PABPC4L: variants seen among roughly 807,000 people sequenced by gnomAD.
The protein encoded by PABPC4L is polyadenylate-binding protein 4-like.
For missense variants in PABPC4L, 452 were observed against 451.4 expected, an observed-to-expected ratio of 1.00 and a Z score of -0.01; for synonymous variants, 169 against 164.1, an observed-to-expected ratio of 1.03 and a Z score of -0.23.
At chr4:134,083,892 T>C in the PABPC4L span, among the ~76,000 whole-genome samples, 1 of 152,168 alleles carries the variant, frequency 6.6e-6, no homozygotes, top group Non-Finnish European at 1.5e-5. Flanking sequence ...TAAGATATTA[T>C]ATGTAATATT....
chr4:134,176,940 T>C, the PABPC4L span, among the ~76,000 whole-genome samples: 1 of 152,086 alleles, frequency 6.6e-6, no homozygotes, highest in Non-Finnish European at 1.5e-5. Flanking sequence ...TTTACAAGCC[T>C]TGAGCCCTGC....
the PABPC4L span, among the ~76,000 whole-genome samples, chr4:134,189,588 T>G: frequency 6.6e-6 from 1 of 152,014 alleles, no homozygotes; most frequent in South Asian, 2.1e-4. Flanking sequence ...TGTGTATTCT[T>G]TTTACACACA....
chr4:134,015,656 C>T, the PABPC4L span, among the ~76,000 whole-genome samples: 1 of 152,104 alleles, frequency 6.6e-6, no homozygotes, highest in African/African-American at 2.4e-5. Flanking sequence ...TGACTAATCT[C>T]CCAAACCTCA....
the PABPC4L span, among the ~76,000 whole-genome samples, chr4:134,128,806 G>C: frequency 6.6e-6 from 1 of 152,082 alleles, no homozygotes; most frequent in Non-Finnish European, 1.5e-5. Context: ...ATGAGGAATA[G>C]AATAGTATCT....
chr4:133,968,101 C>T, the PABPC4L span, among the ~76,000 whole-genome samples: 1 of 152,080 alleles, frequency 6.6e-6, no homozygotes, highest in Admixed American at 6.6e-5. Flanking sequence ...GCCATTTAGT[C>T]GCAGGAATAT....
chr4:134,153,258 A>G, the PABPC4L span, among the ~76,000 whole-genome samples: 2 of 151,444 alleles, frequency 1.3e-5, no homozygotes, highest in Non-Finnish European at 2.9e-5. Context: ...AAAATTCATC[A>G]CTCTTCTGTC....
chr4:133,979,473 T>C, the PABPC4L span, among the ~76,000 whole-genome samples: 2 of 152,142 alleles, frequency 1.3e-5, no homozygotes, highest in Admixed American at 1.3e-4. Context: ...AATGAAAACA[T>C]TCTAGTCCTG....
At chr4:134,054,628 A>T in the PABPC4L span, among the ~76,000 whole-genome samples, 3 of 151,994 alleles carry the variant, frequency 2.0e-5, no homozygotes, top group South Asian at 6.2e-4. Flanking sequence ...TGTAACTAAC[A>T]TGTCACATAA....
chr4:134,032,972 G>C, the PABPC4L span, among the ~76,000 whole-genome samples: 1 of 149,286 alleles, frequency 6.7e-6, no homozygotes, highest in Non-Finnish European at 1.5e-5. Context: ...TTGTATAGAA[G>C]TATACCTTGT....
the PABPC4L span, among the ~76,000 whole-genome samples, chr4:133,952,337 T>C: frequency 6.6e-6 from 1 of 152,116 alleles, no homozygotes; most frequent in Non-Finnish European, 1.5e-5. Flanking sequence ...AGAATGCATC[T>C]TTTGGATCCA....
the PABPC4L span, among the ~76,000 whole-genome samples, chr4:134,068,522 C>G: frequency 6.6e-6 from 1 of 152,008 alleles, no homozygotes; most frequent in African/African-American, 2.4e-5. Context: ...TGTTTACATT[C>G]AAGGTTAATA....
At chr4:134,189,835 C>A in the PABPC4L span, among the ~76,000 whole-genome samples, 16 of 151,992 alleles carry the variant, frequency 1.1e-4, no homozygotes, top group Non-Finnish European at 1.5e-5. Flanking sequence ...TATTTACTTT[C>A]CCCTGATTTG....
At chr4:134,127,005 C>T in the PABPC4L span, among the ~76,000 whole-genome samples, 64 of 152,042 alleles carry the variant, frequency 4.2e-4, no homozygotes, top group Non-Finnish European at 8.2e-4. Context: ...CTGTGGCTGC[C>T]GGCTTTCCCT....
the PABPC4L span, among the ~76,000 whole-genome samples, chr4:134,127,539 C>T: frequency 6.6e-6 from 1 of 152,018 alleles, no homozygotes; most frequent in Non-Finnish European, 1.5e-5. Context: ...TGGCCAGATC[C>T]AGAAGAGAAG....
At chr4:134,133,872 A>G in the PABPC4L span, among the ~76,000 whole-genome samples, 1 of 152,206 alleles carries the variant, frequency 6.6e-6, no homozygotes, top group African/African-American at 2.4e-5. Context: ...GGTCATTGAT[A>G]ATATGAGTAT....
the PABPC4L span, among the ~76,000 whole-genome samples, chr4:134,066,276 C>T: frequency 1.3e-5 from 2 of 151,936 alleles, no homozygotes; most frequent in Non-Finnish European, 2.9e-5. Context: ...CTGGTTAGCT[C>T]TATTCCTAGA....
the PABPC4L span, among the ~76,000 whole-genome samples, chr4:133,999,698 G>A: frequency 6.6e-6 from 1 of 151,846 alleles, no homozygotes; most frequent in African/African-American, 2.4e-5. Flanking sequence ...AAGTTTCCAT[G>A]GGAGTACAGG....
At chr4:134,051,925 T>C in the PABPC4L span, among the ~76,000 whole-genome samples, 16 of 152,274 alleles carry the variant, frequency 1.1e-4, no homozygotes, top group East Asian at 1.5e-3. Flanking sequence ...GTTACAGGAT[T>C]AGATATAAAT....
chr4:134,171,189 C>G, the PABPC4L span, among the ~76,000 whole-genome samples: 1 of 152,078 alleles, frequency 6.6e-6, no homozygotes, highest in African/African-American at 2.4e-5. Context: ...AATCTCAGCT[C>G]ACTGCAACCT....
Sources: allele counts gnomAD v4.1 joint callset (sites outside exome capture counted in the v4.1 genomes callset), GRCh38; gene constraint gnomAD v4.1.1; transcripts MANE v1.5; gene names NCBI Gene and HGNC (gene_info 2026-07-23, HGNC 2026-07-21).